Variants in PCDH7 observed in about 807,000 individuals in gnomAD.
PCDH7 encodes the protein protocadherin 7.
Under a neutral mutation model 58.9 loss-of-function variants are expected in PCDH7, and 17 were observed. The observed-to-expected ratio is 0.29, with a 90% CI of 0.20 to 0.43. PCDH7 has a LOEUF of 0.43. Among genes scored for constraint, PCDH7 ranks in the 20% least tolerant of loss-of-function variants. The probability of loss-of-function intolerance (pLI) is 1.00; values close to 1 mark genes in which losing one functional copy is unlikely to be tolerated. For synonymous variants in PCDH7, 664 were observed against 616.4 expected, an observed-to-expected ratio of 1.08 and a Z score of -1.14; for missense variants, 1,274 against 1,441.0, an observed-to-expected ratio of 0.88 and a Z score of 1.88.
chr4:31,021,686 C>T (rs1578581387), intron 3 of PCDH7, among the ~76,000 whole-genome samples: 1 of 152,012 alleles, frequency 6.6e-6, no homozygotes, highest in African/African-American at 2.4e-5. Context: ...AAGTGCAGCA[C>T]CAATACTTTT....
chr4:30,998,975 C>T (rs1384919828), intron 3 of PCDH7, among the ~76,000 whole-genome samples: 2 of 152,118 alleles, frequency 1.3e-5, no homozygotes, highest in Non-Finnish European at 2.9e-5. Context: ...GTCTTCATTG[C>T]ACTGGAGAGT....
intron 3 of PCDH7, among the ~76,000 whole-genome samples, chr4:30,986,916 G>C (rs983068702): frequency 1.3e-5 from 2 of 151,950 alleles, no homozygotes. Context: ...GGGAGGCGGA[G>C]GTTGCAGTGA....
downstream of PCDH7, among the ~76,000 whole-genome samples, chr4:30,733,897 G>A (rs1715873373): frequency 6.6e-6 from 1 of 152,104 alleles, no homozygotes; most frequent in Admixed American, 6.6e-5. Context: ...CAAACATTTT[G>A]AGTCACAAAC....
At chr4:30,992,550 C>T (rs186284442) in intron 3 of PCDH7, among the ~76,000 whole-genome samples, 58 of 152,234 alleles carry the variant, frequency 3.8e-4, no homozygotes, top group African/African-American at 1.3e-3. Flanking sequence ...CAAGCCATGT[C>T]CCCTTTGCCT....
In PCDH7 at chr4:30,764,760, C is replaced by A. The variant is rs191504899; in HGVS notation, c.70+40164C>A. 1.3e-3 allele frequency among the ~76,000 whole-genome samples: 196 copies of A among 152,120 alleles called. 2 individuals are homozygous for A. The highest frequency in any genetic ancestry group is 4.9e-4 in the Non-Finnish European group (33 of 67,984). ...TTGTTTTGACAGAGACTTGCTCTGT[C>A]ACCAGGCTGGAGCACAGTGGCGCGA... On this transcript the variant is annotated intron_variant, in intron 1 of 3. Coordinates refer to the PCDH7 transcript ENST00000509759.
In PCDH7 at chr4:31,013,107, A is replaced by G. The variant is rs1294443636; in HGVS notation, c.*7+62892A>G. 2.0e-5 allele frequency among the ~76,000 whole-genome samples: 3 copies of G among 150,414 alleles called. 1 individual carries two copies. The highest frequency in any genetic ancestry group is 4.4e-5 in the Non-Finnish European group (3 of 67,662). On this transcript the variant is annotated intron_variant, in intron 3 of 3. Transcript: ENST00000509759. The stretch of plus-strand genomic sequence containing the variant: ...GAGGCTGAGGCAGGAGGATACTTTG[A>G]GTTCAGGAGTTTGAGGCTGCAGTGA...
intron 1 of PCDH7, among the ~76,000 whole-genome samples, chr4:30,798,597 CTATT>C (rs1234054707): frequency 1.3e-5 from 2 of 152,128 alleles, no homozygotes; most frequent in Admixed American, 6.5e-5. Context: ...TTCAGTTAAA[CTATT>C]TATGTGTGAT....
chr4:30,911,856 C>T (rs1254759436), intron 1 of PCDH7, among the ~76,000 whole-genome samples: 2 of 151,990 alleles, frequency 1.3e-5, no homozygotes, highest in Non-Finnish European at 2.9e-5. Context: ...AAATGAATAG[C>T]ATTTTCCTGG....
At chr4:31,032,604 T>C (rs1171363250) in intron 3 of PCDH7, among the ~76,000 whole-genome samples, 2 of 93,952 alleles carry the variant, frequency 2.1e-5, no homozygotes, top group African/African-American at 8.4e-5. Context: ...TCAGATTCTG[T>C]CAAAAAAAAA....
chr4:31,126,295 A>G (rs767066258), intron 3 of PCDH7, among the ~76,000 whole-genome samples: 17 of 151,940 alleles, frequency 1.1e-4, no homozygotes, highest in Non-Finnish European at 2.1e-4. Flanking sequence ...AGCTAGGATT[A>G]CAGGTGCACA....
intron 3 of PCDH7, among the ~76,000 whole-genome samples, chr4:31,037,578 A>G (rs985116876): frequency 1.3e-5 from 2 of 152,194 alleles, no homozygotes; most frequent in Non-Finnish European, 2.9e-5. Context: ...TTCAATGATT[A>G]AAATATTCAA....
intron 3 of PCDH7, among the ~76,000 whole-genome samples, chr4:31,009,166 T>C (rs1560573345): frequency 6.6e-6 from 1 of 152,120 alleles, no homozygotes; most frequent in Admixed American, 6.6e-5. Context: ...TATTGTGTAA[T>C]GTTTTATTTA....
chr4:30,829,805 A>G (rs1729548582), intron 1 of PCDH7, among the ~76,000 whole-genome samples: 1 of 152,098 alleles, frequency 6.6e-6, no homozygotes, highest in South Asian at 2.1e-4. Flanking sequence ...ATCTTATTGC[A>G]CACAGTTTGC....
intron 3 of PCDH7, among the ~76,000 whole-genome samples, chr4:31,089,285 A>G (rs1314988187): frequency 6.6e-6 from 1 of 152,084 alleles, no homozygotes; most frequent in Non-Finnish European, 1.5e-5. Flanking sequence ...ATAATATAAT[A>G]TATTTTAGGA....
chr4:31,055,975 G>A (rs1234553608), intron 3 of PCDH7, among the ~76,000 whole-genome samples: 1 of 152,160 alleles, frequency 6.6e-6, no homozygotes, highest in Non-Finnish European at 1.5e-5. Context: ...TATTGCCCAG[G>A]CATTGTAATG....
At chr4:30,874,867 C>T (rs1190486678) in intron 1 of PCDH7, among the ~76,000 whole-genome samples, 1 of 151,922 alleles carries the variant, frequency 6.6e-6, no homozygotes, top group African/African-American at 2.4e-5. Flanking sequence ...TTCAGCAAGA[C>T]TGTTGGAGCT....
intron 1 of PCDH7, among the ~76,000 whole-genome samples, chr4:30,747,551 T>C (rs1717938591): frequency 6.6e-6 from 1 of 152,216 alleles, no homozygotes; most frequent in African/African-American, 2.4e-5. Flanking sequence ...TCCCCTTCCA[T>C]CTTCAAAGCC....
intron 1 of PCDH7, among the ~76,000 whole-genome samples, chr4:30,824,081 TTCTTTC>T (rs1560407481): frequency 1.9e-4 from 2 of 10,666 alleles, no homozygotes; most frequent in East Asian, 5.3e-3. Flanking sequence ...GGGGTTTCTT[TTCTTTC>T]TTTCTTTCTT....
chr4:30,752,478 C>G (rs1718661059), intron 1 of PCDH7, among the ~76,000 whole-genome samples: 1 of 152,060 alleles, frequency 6.6e-6, no homozygotes, highest in Admixed American at 6.6e-5. Context: ...TCTTTTTATC[C>G]CTGAACCTGA....
Sources: gnomAD v4.1 joint callset for allele counts (sites outside exome capture counted in the v4.1 genomes callset) on GRCh38, gnomAD v4.1.1 for gene constraint, MANE v1.5 for transcripts, NCBI Gene and HGNC (gene_info 2026-07-23, HGNC 2026-07-21) for gene names.